CORO2B: variants seen among roughly 807,000 people sequenced by gnomAD.
CORO2B encodes coronin 2B.
In CORO2B, 26 loss-of-function variants were observed where a neutral mutation model predicts 58.8. That is an observed-to-expected ratio of 0.44 (90% CI 0.32 to 0.61). The LOEUF is 0.61. Among genes scored for constraint, CORO2B ranks in the 20% least tolerant of loss-of-function variants. The probability of loss-of-function intolerance (pLI) is 0.04; values close to 1 mark genes in which losing one functional copy is unlikely to be tolerated. For missense variants in CORO2B, 460 were observed against 645.1 expected, an observed-to-expected ratio of 0.71 and a Z score of 3.11; for synonymous variants, 242 against 253.8, an observed-to-expected ratio of 0.95 and a Z score of 0.44.
At position 68,726,010 on chromosome 15, in the gene CORO2B, CG is replaced by C. The variant is rs778163500; in HGVS notation, c.*37del. 3.1e-6 allele frequency: 5 copies of C among 1,608,640 alleles called. No individual in the cohort carries two copies. Among genetic ancestry groups the C allele is most frequent in the African/African-American group, 2.7e-5 (2 of 74,892 alleles). On this transcript the variant is annotated 3_prime_UTR_variant, in exon 12 of 12. Coordinates refer to ENST00000261861, the MANE Select transcript of CORO2B (RefSeq NM_006091.5). ...GGGCTGTTTTCTAAGCCGATCTCTC[CG>C]TCGTTTCTACTCATCCCTTAACTTC...
chr15:68,679,827 C>G (rs1221294778), intron 2 of CORO2B, among the ~76,000 whole-genome samples: 2 of 152,334 alleles, frequency 1.3e-5, no homozygotes, highest in South Asian at 2.1e-4. Context: ...GGGCTGTTCA[C>G]TTACAATGTA....
At chr15:68,704,484 G>A (rs1001525763) in intron 3 of CORO2B, among the ~76,000 whole-genome samples, 4 of 152,132 alleles carry the variant, frequency 2.6e-5, no homozygotes, top group African/African-American at 9.7e-5. Context: ...AAATCTCACA[G>A]CCAATAAGGT....
At chr15:68,533,576 C>A in the CORO2B span, among the ~76,000 whole-genome samples, 2 of 152,176 alleles carry the variant, frequency 1.3e-5, no homozygotes, top group African/African-American at 4.8e-5. Flanking sequence ...CTAGTGATAA[C>A]TGCTACTCCT....
chr15:68,711,454 TC>T, intron 4 of CORO2B, 87 bp from the exon 5 acceptor site: 12 of 1,243,198 alleles, frequency 9.7e-6, no homozygotes, highest in Non-Finnish European at 1.3e-5. Context: ...GGGGCGCTTC[TC>T]CCAGGGCAGT....
chr15:68,597,236 G>A (rs1253173746), intron 1 of CORO2B, among the ~76,000 whole-genome samples: 2 of 152,190 alleles, frequency 1.3e-5, no homozygotes, highest in African/African-American at 4.8e-5. Context: ...TTCCAGGCTG[G>A]CCTGGTTTTG....
intron 1 of CORO2B, among the ~76,000 whole-genome samples, chr15:68,589,002 A>G (rs1899636085): frequency 6.6e-6 from 1 of 152,236 alleles, no homozygotes; most frequent in East Asian, 1.9e-4. Context: ...TAACTTTATC[A>G]TCACAAATCT....
chr15:68,628,577 A>G (rs1595977200), intron 1 of CORO2B, among the ~76,000 whole-genome samples: 2 of 152,342 alleles, frequency 1.3e-5, no homozygotes, highest in African/African-American at 4.8e-5. Flanking sequence ...CAATAGCTAC[A>G]TGTATTAAGC....
Position 68,719,532 on chromosome 15 carries a change from C to G in CORO2B, c.1291C>G (p.Pro431Ala). Residue 431 changes from proline to alanine, a missense_variant, in exon 11 of 12, where the codon CCA becomes GCA. Coordinates refer to ENST00000261861, the MANE Select transcript of CORO2B (RefSeq NM_006091.5). ...CGGAATAGATTTATTAGAAAATGTC[C>G]CACCCAGGACAGAGAATGAGGTAAG... ...VNGIDLLENV[P>A]PRTENELLRM... The G allele has an allele frequency of 1.2e-6, 2 of 1,613,808 alleles. No individual in the cohort carries two copies. Among genetic ancestry groups the G allele is most frequent in the Non-Finnish European group, 1.7e-6 (2 of 1,179,922 alleles).
intron 3 of CORO2B, among the ~76,000 whole-genome samples, chr15:68,703,078 C>T (rs753702940): frequency 1.1e-4 from 16 of 149,336 alleles, no homozygotes; most frequent in Non-Finnish European, 2.4e-4. Flanking sequence ...CCACCCGCCT[C>T]GCATCCCAAA....
chr15:68,683,575 C>G lies in CORO2B; in HGVS notation c.217-11565C>G, dbSNP rs535096407. ...CAGTTTTGGTGCACCACCCCTCCCC[C>G]CACTGTAGGATATTGAGACATCATG... On this transcript the variant is annotated intron_variant, in intron 2 of 11. Coordinates refer to ENST00000261861, the MANE Select transcript of CORO2B (RefSeq NM_006091.5). 3.3e-5 allele frequency among the ~76,000 whole-genome samples: 5 copies of G among 152,216 alleles called. No homozygotes were observed. In the East Asian group the frequency reaches 9.6e-4, roughly 29 times the overall value.
chr15:68,710,644 A>C lies in CORO2B; in HGVS notation c.334-88A>C. On this transcript the variant is annotated intron_variant, in intron 3 of 11. Coordinates refer to ENST00000261861, the MANE Select transcript of CORO2B (RefSeq NM_006091.5). This position sits in a 1 kb window ranked among gnomAD's most constrained non-coding sequence, Gnocchi z 4.1. ...GGTGGCTCATCAGGCAGATCTCAGA[A>C]AGCCTGGTGTCCGAGGAAAGGGGCA... 6.5e-6 allele frequency: 9 copies of C among 1,377,634 alleles called. No homozygotes were observed. Among genetic ancestry groups the C allele is most frequent in the Non-Finnish European group, 8.5e-6 (9 of 1,052,714 alleles). The allele number at this position is 1,377,634 out of a possible 1,614,324, so 85.3% of individuals were successfully genotyped here.
chr15:68,633,295 C>A (rs375402506), intron 1 of CORO2B, among the ~76,000 whole-genome samples: 21 of 152,138 alleles, frequency 1.4e-4, no homozygotes, highest in African/African-American at 3.9e-4. Flanking sequence ...TTGCTGGGTC[C>A]TAAATTAACT....
At chr15:68,644,988 T>C (rs1433692394) in intron 1 of CORO2B, among the ~76,000 whole-genome samples, 172 bp from the exon 2 acceptor site, 4 of 152,118 alleles carry the variant, frequency 2.6e-5, no homozygotes, top group African/African-American at 9.7e-5. Context: ...GGCATATGAG[T>C]GTGCCCTGAA....
At chr15:68,712,624 A>C (rs1420248550) in intron 5 of CORO2B, among the ~76,000 whole-genome samples, 1 of 152,200 alleles carries the variant, frequency 6.6e-6, no homozygotes, top group Non-Finnish European at 1.5e-5. Context: ...ACAAATAAGA[A>C]TAATGAGAGT....
chr15:68,638,321 G>T (rs1866685), intron 1 of CORO2B, among the ~76,000 whole-genome samples: 2 of 152,042 alleles, frequency 1.3e-5, no homozygotes, highest in Non-Finnish European at 2.9e-5. Context: ...GGTAGAGCTA[G>T]TGTTGAGCAA....
At chr15:68,552,543 G>C in the CORO2B span, among the ~76,000 whole-genome samples, 12 of 152,162 alleles carry the variant, frequency 7.9e-5, no homozygotes, top group African/African-American at 4.8e-5. Flanking sequence ...AACCCCATCA[G>C]AGGGAGTCTG....
chr15:68,711,589 C>T lies in CORO2B; in HGVS notation c.531C>T (p.Asp177=). ...LDVGEPVKMI[D]CHTDVILCMS... ...TGGGTGAGCCGGTGAAGATGATTGACTGCCACACGGATGTGATCCTCTGCA... is the reference window on the plus strand; with the variant it reads ...TGGGTGAGCCGGTGAAGATGATTGATTGCCACACGGATGTGATCCTCTGCA... Residue 177 remains aspartate (D), a synonymous_variant, in exon 5 of 12, where the codon GAC becomes GAT. Coordinates refer to ENST00000261861, the MANE Select transcript of CORO2B (RefSeq NM_006091.5). The T allele has an allele frequency of 6.2e-7, 1 of 1,613,888 alleles. No homozygotes were observed. The highest frequency in any genetic ancestry group is 8.5e-7 in the Non-Finnish European group (1 of 1,179,894).
chr15:68,661,197 C>T (rs953160747), intron 2 of CORO2B, among the ~76,000 whole-genome samples: 2 of 151,994 alleles, frequency 1.3e-5, no homozygotes, highest in Admixed American at 6.5e-5. Context: ...AGGCTGGTCT[C>T]GAACTCCTGT....
chr15:68,601,960 C>A (rs144071658), intron 1 of CORO2B, among the ~76,000 whole-genome samples: 1 of 151,800 alleles, frequency 6.6e-6, no homozygotes, highest in African/African-American at 2.4e-5. Context: ...TCACTGTGTC[C>A]CAGCATGGCG....
Sources: allele counts gnomAD v4.1 joint callset (sites outside exome capture counted in the v4.1 genomes callset), GRCh38; gene constraint gnomAD v4.1.1; non-coding constraint Gnocchi (gnomAD v3.1); transcripts MANE v1.5; gene names NCBI Gene and HGNC (gene_info 2026-07-23, HGNC 2026-07-21).